The following LAMC2 variants were observed in gnomAD, a reference collection of about 807,000 sequenced individuals.
LAMC2 encodes the protein laminin subunit gamma 2, also known as laminin subunit gamma-2.
A neutral mutation model predicts 140.2 loss-of-function variants in LAMC2; 97 were observed. The ratio of observed to expected loss-of-function variants is 0.69; its 90% CI spans 0.59 to 0.82. LAMC2 has a LOEUF of 0.82. LAMC2 is among the 40% of genes least tolerant of loss of function. The pLI, the probability that LAMC2 is intolerant of heterozygous loss-of-function variation, is 0.00. For synonymous variants in LAMC2, 513 were observed against 540.2 expected, an observed-to-expected ratio of 0.95 and a Z score of 0.70; for missense variants, 1,402 against 1,476.1, an observed-to-expected ratio of 0.95 and a Z score of 0.82.
At chr1:183,186,548 A>G (rs1010384887) in intron 1 of LAMC2, 117 bp downstream of exon 1, 3 of 1,169,370 alleles carry the variant, frequency 2.6e-6, no homozygotes, top group Non-Finnish European at 3.7e-6. Flanking sequence ...GAAACTTGTT[A>G]GAGCTCCCTT....
chr1:183,201,557 A>G (rs772503916), intron 1 of LAMC2, among the ~76,000 whole-genome samples: 7 of 152,226 alleles, frequency 4.6e-5, no homozygotes, highest in Non-Finnish European at 7.3e-5. Flanking sequence ...AAGTAGGAAA[A>G]CATGGATAAT....
intron 3 of LAMC2, among the ~76,000 whole-genome samples, chr1:183,216,906 C>T (rs1416025590): frequency 6.6e-6 from 1 of 152,136 alleles, no homozygotes; most frequent in African/African-American, 2.4e-5. Context: ...GCATAGGACT[C>T]CTATGGAATG....
At chr1:183,237,233 C>G (rs1267691556) in intron 17 of LAMC2, 119 bp from the exon 18 acceptor site, 3 of 1,140,012 alleles carry the variant, frequency 2.6e-6, no homozygotes, top group African/African-American at 3.1e-5. Flanking sequence ...TGGCTAGTGA[C>G]TATTTTCTTG....
At chr1:183,249,417 G>T (rs200669366), downstream of LAMC2, 1 of 152,140 alleles carries the variant, frequency 6.6e-6, no homozygotes, top group Non-Finnish European at 1.5e-5. Flanking sequence ...AGGAAACAAA[G>T]CTCCAGACCC....
rs1571545202 is a variant in LAMC2, at chr1:183,244,083, A to G, written c.*683A>G. The G allele has an allele frequency of 6.6e-6, 1 of 152,426 alleles. No individual in the cohort carries two copies. The highest frequency in any genetic ancestry group is 1.9e-4 in the East Asian group (1 of 5,180). 9.4% of individuals were successfully genotyped at this position (152,426 alleles called of 1,614,324 possible). A position where few individuals can be genotyped will look rare whatever the true frequency, so the allele number is the denominator to read the frequency against. On this transcript the variant is annotated 3_prime_UTR_variant, in exon 23 of 23. Coordinates refer to ENST00000264144, the MANE Select transcript of LAMC2 (RefSeq NM_005562.3). ...CCTGGGCATGACATCCTTTCTTTTA[A>G]TGATGCCATGGCAACTTAGAGATTG...
chr1:183,225,597 A>C lies in LAMC2; in HGVS notation c.954-11A>C. The stretch of plus-strand genomic sequence containing the variant: ...TCGGATTTTTAAAGCTTTTGATTTT[A>C]AATTATGCAGGTTAAATGAGCATCC... On this transcript the variant is annotated splice_polypyrimidine_tract_variant and intron_variant, in intron 7 of 22. Transcript: ENST00000264144. 6.4e-7 allele frequency: 1 copy of C among 1,573,818 alleles called. No individual in the cohort carries two copies. Among genetic ancestry groups the C allele is most frequent in the Non-Finnish European group, 8.7e-7 (1 of 1,143,262 alleles).
intron 17 of LAMC2, among the ~76,000 whole-genome samples, chr1:183,237,036 T>A (rs1013488801): frequency 2.0e-5 from 3 of 152,196 alleles, no homozygotes; most frequent in Non-Finnish European, 4.4e-5. Context: ...GAAGATTTTG[T>A]TTACTACCTA....
At chr1:183,237,257 G>A (rs1362622916) in intron 17 of LAMC2, 95 bp from the exon 18 acceptor site, 1 of 1,402,820 alleles carries the variant, frequency 7.1e-7, no homozygotes, top group Non-Finnish European at 1.0e-6. Flanking sequence ...TCTTAAGGCT[G>A]TTGCTATTTT....
At chr1:183,240,566 G>A (rs1408787190) in intron 22 of LAMC2, 175 bp downstream of exon 22, 1 of 1,444,980 alleles carries the variant, frequency 6.9e-7, no homozygotes, top group African/African-American at 1.4e-5. Context: ...ACATTTACTG[G>A]ACCCTGTTTT....
chr1:183,248,602 C>T (rs1320673628), downstream of LAMC2: 1 of 152,212 alleles, frequency 6.6e-6, no homozygotes, highest in African/African-American at 2.4e-5. Flanking sequence ...ACAAAGAGAC[C>T]ACATGAACAG....
At chr1:183,216,831 G>C (rs1659279429) in intron 3 of LAMC2, among the ~76,000 whole-genome samples, 1 of 152,178 alleles carries the variant, frequency 6.6e-6, no homozygotes, top group Admixed American at 6.5e-5. Context: ...GGCACCTTGA[G>C]GATGTCCAGT....
chr1:183,210,728 G>C (rs1438326404), intron 2 of LAMC2, among the ~76,000 whole-genome samples: 1 of 152,220 alleles, frequency 6.6e-6, no homozygotes, highest in Non-Finnish European at 1.5e-5. Context: ...CATAGATGAT[G>C]TCCTTCTTAG....
At chr1:183,213,123 T>C (rs73049743) in intron 2 of LAMC2, among the ~76,000 whole-genome samples, 2,154 of 152,376 alleles carry the variant, frequency 0.014, 37 homozygotes, top group African/African-American at 0.046. Flanking sequence ...GTTCCTATTA[T>C]GCAGAAATTG....
rs1270768720 is a variant in LAMC2 at position 183,244,922 on chromosome 1, T to G, written c.*1522T>G. 1 of 152,218 alleles carries G rather than the reference T, an allele frequency of 6.6e-6. No homozygotes were observed. The highest frequency in any genetic ancestry group is 1.9e-4 in the East Asian group (1 of 5,200). The allele number at this position is 152,218 out of a possible 1,614,324, so 9.4% of individuals were successfully genotyped here. A position where few individuals can be genotyped will look rare whatever the true frequency, so the allele number is the denominator to read the frequency against. ...TAGATGCCTGGGGTCAGTTTCTGATTTACTAAACTCTAAGCCTATGATGGT... is the reference window on the plus strand; with the variant it reads ...TAGATGCCTGGGGTCAGTTTCTGATGTACTAAACTCTAAGCCTATGATGGT... On this transcript the variant is annotated 3_prime_UTR_variant, in exon 23 of 23. Coordinates refer to ENST00000264144, the MANE Select transcript of LAMC2 (RefSeq NM_005562.3).
downstream of LAMC2, chr1:183,248,739 T>C (rs1208977030): frequency 6.6e-6 from 1 of 152,254 alleles, no homozygotes; most frequent in African/African-American, 2.4e-5. Flanking sequence ...CGGTCCCTGT[T>C]TCCATTCTTC....
At chr1:183,209,140 G>A (rs1658996603) in intron 2 of LAMC2, among the ~76,000 whole-genome samples, 1 of 152,016 alleles carries the variant, frequency 6.6e-6, no homozygotes, top group Non-Finnish European at 1.5e-5. Flanking sequence ...AGGTGGTTCT[G>A]TAAATAAGAT....
In LAMC2 at chr1:183,228,503, G is replaced by A. The variant is rs202230869; in HGVS notation, c.1598G>A (p.Arg533Gln). 4.6e-5 allele frequency: 75 copies of A among 1,613,728 alleles called. No individual in the cohort carries two copies. Among genetic ancestry groups the A allele is most frequent in the Middle Eastern group, 3.3e-4 (2 of 6,084 alleles). Residue 533 changes from arginine (R) to glutamine (Q), a missense_variant, in exon 11 of 23, where the codon CGG becomes CAG. Around this residue, in one of 3 missense-constraint regions of LAMC2, gnomAD observed 723 missense variants for 783.3 expected, o/e 0.92. Coordinates refer to ENST00000264144, the MANE Select transcript of LAMC2 (RefSeq NM_005562.3). The surrounding 1 kb of genome is among the most constrained non-coding windows in gnomAD (Gnocchi z 4.3). The part of the protein sequence containing the change: ...VDPSASGNCD[R>Q]LTGRCLKCIH... ...CCCAGTGCCTCTGGGAATTGTGACC[G>A]GCTGACAGGCAGGTGTTTGAAGTGT...
intron 9 of LAMC2, among the ~76,000 whole-genome samples, 184 bp downstream of exon 9, chr1:183,227,100 A>G (rs1047567629): frequency 1.3e-5 from 2 of 152,220 alleles, no homozygotes; most frequent in East Asian, 3.8e-4. Flanking sequence ...TGGAAATGCC[A>G]CAAAGTTGTG....
At chr1:183,207,771 A>AT in intron 1 of LAMC2, 110 bp from the exon 2 acceptor site, 1 of 939,820 alleles carries the variant, frequency 1.1e-6, no homozygotes, top group South Asian at 1.4e-5. Flanking sequence ...AGGTTACCAT[A>AT]TAGTACTCAT....
Sources: gnomAD v4.1 joint callset for allele counts (sites outside exome capture counted in the v4.1 genomes callset) on GRCh38, gnomAD v4.1.1 for gene constraint, gnomAD v4.1.1 regional missense constraint, Gnocchi (gnomAD v3.1) non-coding constraint, MANE v1.5 for transcripts, NCBI Gene and HGNC (gene_info 2026-07-23, HGNC 2026-07-21) for gene names.